Variants in VAT1L observed in about 807,000 individuals in gnomAD.
VAT1L encodes putative NADPH-dependent quinone oxidoreductase VAT1L.
Under a neutral mutation model 44.1 loss-of-function variants are expected in VAT1L, and 34 were observed. The ratio of observed to expected loss-of-function variants is 0.77; its 90% confidence interval spans 0.59 to 1.03. VAT1L has a LOEUF of 1.03. Ranked by LOEUF, VAT1L falls within the 50% of genes least tolerant of loss-of-function variation. The pLI is 0.00. For missense variants in VAT1L, 615 were observed against 538.8 expected (o/e 1.14, Z -1.40); for synonymous variants, 253 against 202.2 (o/e 1.25, Z -2.13).
chr16:77,882,036 G>C (rs1051537389), intron 6 of VAT1L: 3 of 152,202 alleles, frequency 2.0e-5, no homozygotes, highest in Non-Finnish European at 4.4e-5. Context: ...CCCAAAGCAG[G>C]GGTTCCTATT....
chr16:77,844,623 G>T (rs909375969), intron 3 of VAT1L, among the ~76,000 whole-genome samples: 1 of 151,878 alleles, frequency 6.6e-6, no homozygotes, highest in African/African-American at 2.4e-5. Context: ...TGGCCGAGCT[G>T]GTCTCAAACT....
chr16:77,872,518 C>G (rs2017043165), intron 4 of VAT1L, among the ~76,000 whole-genome samples: 1 of 152,164 alleles, frequency 6.6e-6, no homozygotes, highest in Non-Finnish European at 1.5e-5. Context: ...CAACCTGAAG[C>G]CCACCAACCA....
At chr16:77,795,724 T>G (rs1227775164) in intron 1 of VAT1L, among the ~76,000 whole-genome samples, 1 of 152,082 alleles carries the variant, frequency 6.6e-6, no homozygotes, top group Admixed American at 6.6e-5. Context: ...GTGCTGGGGC[T>G]CTGGTTTCAG....
rs770382789 is a variant in VAT1L, at chr16:77,862,826, GCAAT to G, written c.662_665del (p.Ile221LysfsTer4). On this transcript the variant is annotated frameshift_variant, in exon 4 of 9. Coordinates refer to ENST00000302536, the MANE Select transcript of VAT1L (RefSeq NM_020927.3). LOFTEE classifies it high-confidence loss of function. ...AACAGCCTCTACTTTCAAGCATGAA[GCAAT>G]CAAAGACTCTGTGACCCACCTCTTT... 3 of 1,614,072 alleles carry G rather than the reference GCAAT, an allele frequency of 1.9e-6. No individual in the cohort carries two copies. Among genetic ancestry groups the G allele is most frequent in the Non-Finnish European group, 2.5e-6 (3 of 1,180,002 alleles).
At chr16:77,817,639 CA>C (rs1203808540) in intron 2 of VAT1L, among the ~76,000 whole-genome samples, 1 of 152,050 alleles carries the variant, frequency 6.6e-6, no homozygotes, top group Non-Finnish European at 1.5e-5. Flanking sequence ...GGGAAATGGG[CA>C]AAAAGGTTTA....
At chr16:77,962,797 ATAGC>A (rs2018178259) in intron 7 of VAT1L, among the ~76,000 whole-genome samples, 1 of 152,048 alleles carries the variant, frequency 6.6e-6, no homozygotes, top group Non-Finnish European at 1.5e-5. Flanking sequence ...AAAAGAAAAA[ATAGC>A]TAGGCATGGT....
chr16:77,854,560 CGT>C (rs2016839529), intron 3 of VAT1L, among the ~76,000 whole-genome samples: 2 of 152,176 alleles, frequency 1.3e-5, no homozygotes, highest in South Asian at 4.1e-4. Context: ...GTAAGAAAAA[CGT>C]AAGTATGGCT....
In VAT1L at chr16:77,884,926, C is replaced by A; in HGVS notation, c.1077+124C>A. On this transcript the variant is annotated intron_variant, in intron 7 of 8. Transcript: ENST00000302536. This position sits in a 1 kb window ranked among gnomAD's most constrained non-coding sequence, Gnocchi z 4.5. ...AGATGGGTTTGTTTTAAATGAGGGTCCTAAAAGTCACCTGTACCACAGAAT... is the reference window on the plus strand; with the variant it reads ...AGATGGGTTTGTTTTAAATGAGGGTACTAAAAGTCACCTGTACCACAGAAT... 1 of 1,041,386 alleles carries A rather than the reference C, an allele frequency of 9.6e-7. No individual in the cohort carries two copies. The highest frequency in any genetic ancestry group is 1.3e-6 in the Non-Finnish European group (1 of 752,712). 64.5% of individuals were successfully genotyped at this position (1,041,386 alleles called of 1,614,324 possible).
intron 1 of VAT1L, among the ~76,000 whole-genome samples, chr16:77,799,309 T>A (rs928926355): frequency 5.4e-5 from 8 of 149,384 alleles, no homozygotes; most frequent in African/African-American, 2.0e-4. Context: ...TCCCTTCTTT[T>A]CCCTCCGTCT....
chr16:77,901,254 C>G (rs537713738), intron 7 of VAT1L, among the ~76,000 whole-genome samples: 9 of 149,348 alleles, frequency 6.0e-5, no homozygotes, highest in Non-Finnish European at 8.9e-5. Flanking sequence ...AGCTCCGCCT[C>G]CTGGGTTCAT....
intron 3 of VAT1L, among the ~76,000 whole-genome samples, chr16:77,845,977 G>A (rs1398540717): frequency 6.6e-6 from 1 of 152,100 alleles, no homozygotes; most frequent in East Asian, 1.9e-4. Context: ...CAATTATCCC[G>A]GGTCTTCCTG....
chr16:77,868,490 T>C (rs1418629306), intron 4 of VAT1L, among the ~76,000 whole-genome samples: 3 of 152,166 alleles, frequency 2.0e-5, no homozygotes, highest in Non-Finnish European at 4.4e-5. Flanking sequence ...GAGCTCTCTT[T>C]TGGGTCTTCC....
At chr16:77,960,940 C>G (rs536701290) in intron 7 of VAT1L, among the ~76,000 whole-genome samples, 3 of 152,242 alleles carry the variant, frequency 2.0e-5, no homozygotes, top group African/African-American at 7.2e-5. Flanking sequence ...CACCAGCCAA[C>G]TTCATTGAGA....
intron 4 of VAT1L, among the ~76,000 whole-genome samples, chr16:77,870,985 T>C (rs1198828030): frequency 2.0e-5 from 3 of 151,448 alleles, no homozygotes; most frequent in East Asian, 2.0e-4. Flanking sequence ...ACATTCTAAA[T>C]AGACCCAACT....
At chr16:77,913,750 G>T (rs1344101655) in intron 7 of VAT1L, among the ~76,000 whole-genome samples, 1 of 152,166 alleles carries the variant, frequency 6.6e-6, no homozygotes, top group African/African-American at 2.4e-5. Flanking sequence ...CAAAGGCCAG[G>T]AGCTGCCTAA....
At chr16:77,882,346 A>G (rs2142459457) in intron 6 of VAT1L, 1 of 152,384 alleles carries the variant, frequency 6.6e-6, no homozygotes, top group Admixed American at 6.5e-5. Flanking sequence ...TCACACCATA[A>G]CGATGATGAT....
chr16:77,938,543 G>C (rs1005040267), intron 7 of VAT1L, among the ~76,000 whole-genome samples: 14 of 152,116 alleles, frequency 9.2e-5, no homozygotes, highest in African/African-American at 2.9e-4. Flanking sequence ...GTTCTCATGA[G>C]ATCTGGTTGT....
intron 3 of VAT1L, among the ~76,000 whole-genome samples, chr16:77,861,271 C>G (rs80326958): frequency 0.016 from 2,399 of 152,224 alleles, 58 homozygotes; most frequent in Admixed American, 0.059. Context: ...GATGGAACAC[C>G]AGAAAGAGAC....
intron 7 of VAT1L, among the ~76,000 whole-genome samples, chr16:77,920,622 A>G (rs1334401530): frequency 6.6e-6 from 1 of 152,198 alleles, no homozygotes; most frequent in African/African-American, 2.4e-5. Flanking sequence ...ATTTCAGTCC[A>G]CAGACGTTTG....
Sources: allele counts gnomAD v4.1 joint callset (sites outside exome capture counted in the v4.1 genomes callset), GRCh38; gene constraint gnomAD v4.1.1; non-coding constraint Gnocchi (gnomAD v3.1); transcripts MANE v1.5; gene names NCBI Gene and HGNC (gene_info 2026-07-23, HGNC 2026-07-21).